Variants in KDM6A observed in about 807,000 individuals in gnomAD.
KDM6A encodes the protein lysine-specific demethylase 6A.
KDM6A carries 11 observed loss-of-function variants against 117.6 expected under a neutral mutation model. The ratio of observed to expected loss-of-function variants is 0.09; its 90% confidence interval spans 0.06 to 0.15. KDM6A has a LOEUF of 0.15. Ranked by LOEUF, KDM6A falls within the 10% of genes least tolerant of loss-of-function variation. KDM6A has a pLI of 1.00. For synonymous variants in KDM6A, 384 were observed against 396.1 expected, an observed-to-expected ratio of 0.97 and a Z score of 0.36; for missense variants, 799 against 1,077.3, an observed-to-expected ratio of 0.74 and a Z score of 3.62.
intron 2 of KDM6A, among the ~76,000 whole-genome samples, chrX:44,922,027 C>CTTTTTTTT: frequency 0.041 from 1,549 of 37,710 alleles, 702 homozygotes; most frequent in Non-Finnish European, 0.048. Context: ...ATTGTGTGTG[C>CTTTTTTTT]CTTTTTTTTT....
chrX:45,097,911 A>G (rs1200089036), intron 27 of KDM6A, among the ~76,000 whole-genome samples: 1 of 112,177 alleles, frequency 8.9e-6, no homozygotes, highest in Non-Finnish European at 1.9e-5. Context: ...CTATGTTGGC[A>G]TAAGTCAAAA....
intron 4 of KDM6A, among the ~76,000 whole-genome samples, chrX:44,976,427 C>T (rs1253457083): frequency 9.0e-6 from 1 of 110,795 alleles, no homozygotes; most frequent in African/African-American, 3.3e-5. Flanking sequence ...CAGGACCCCT[C>T]ATGGATACCA....
In KDM6A at chrX:45,047,384, T is replaced by C. The variant is rs1193401417; in HGVS notation, c.655-4325T>C. On this transcript the variant is annotated intron_variant, in intron 8 of 29. Transcript: ENST00000611820. ...TCTTAGATGCTTTCTTTTTTTTTTTTTAACTTTTAACTTTTGTGTGTTTGT... is the reference window on the plus strand; with the variant it reads ...TCTTAGATGCTTTCTTTTTTTTTTTCTAACTTTTAACTTTTGTGTGTTTGT... Among the ~76,000 whole-genome samples, 4 of 109,002 alleles carry C rather than the reference T, an allele frequency of 3.7e-5. No individual in the cohort carries two copies. The Admixed American group carries it at 4.0e-4, about 11-fold the overall frequency. The allele number at this position is 109,002 out of a possible 115,157, so 94.7% of individuals were successfully genotyped here. A position where few individuals can be genotyped will look rare whatever the true frequency, so the allele number is the denominator to read the frequency against.
intron 2 of KDM6A, among the ~76,000 whole-genome samples, chrX:44,942,038 CT>C (rs756550740): frequency 9.7e-4 from 97 of 100,426 alleles, no homozygotes; most frequent in Admixed American, 8.7e-4. Context: ...TGTTGAAAGA[CT>C]TTTTTTTTTT....
chrX:45,037,764 C>A (rs954437247), intron 8 of KDM6A, 75 bp downstream of exon 8: 1 of 793,405 alleles, frequency 1.3e-6, no homozygotes, highest in Non-Finnish European at 1.9e-6. Flanking sequence ...TTACTGAAAT[C>A]AGAAGTGTAC....
chrX:44,891,499 C>A, intron 2 of KDM6A, among the ~76,000 whole-genome samples: 1 of 111,965 alleles, frequency 8.9e-6, no homozygotes, highest in Admixed American at 9.5e-5. Flanking sequence ...CGTGCTTATT[C>A]CTCCACCAGT....
chrX:44,923,239 A>G (rs932376289), intron 2 of KDM6A, among the ~76,000 whole-genome samples: 3 of 110,359 alleles, frequency 2.7e-5, no homozygotes, highest in East Asian at 2.8e-4. Context: ...TTTGATGTTT[A>G]TTGTGCTTGA....
At chrX:44,963,497 G>GTCTGTC (rs1556012508) in intron 3 of KDM6A, among the ~76,000 whole-genome samples, 1 of 28,359 alleles carries the variant, frequency 3.5e-5, no homozygotes, top group Non-Finnish European at 7.8e-5. Flanking sequence ...CTGTCTGTCT[G>GTCTGTC]TCTCTGTCTG....
At chrX:45,015,220 A>G (rs763585818) in intron 5 of KDM6A, among the ~76,000 whole-genome samples, 6 of 110,042 alleles carry the variant, frequency 5.5e-5, no homozygotes, top group African/African-American at 2.0e-4. Flanking sequence ...CTTCTACCTC[A>G]GCCTCCCGAA....
intron 7 of KDM6A, among the ~76,000 whole-genome samples, chrX:45,035,865 A>G (rs2042789136): frequency 9.2e-6 from 1 of 109,217 alleles, no homozygotes; most frequent in Admixed American, 9.8e-5. Flanking sequence ...ATGCCCAGCT[A>G]ATTTTTTGTA....
rs2034668765 is a variant in KDM6A, at chrX:44,906,509, T to TA, written c.225+32523dup. Among the ~76,000 whole-genome samples the TA allele has an allele frequency of 2.7e-5, 3 of 111,010 alleles. No individual in the cohort carries two copies. In the South Asian group the frequency reaches 1.1e-3, roughly 42 times the overall value. On this transcript the variant is annotated intron_variant, in intron 2 of 29. Transcript: ENST00000611820. Reference sequence around the variant, plus strand: ...CCTTAAATGGCTTCCTTTCTCTTTTTATGAAGCTTTCCCTTAATCGTTTAG... The same window carrying TA: ...CCTTAAATGGCTTCCTTTCTCTTTTTAATGAAGCTTTCCCTTAATCGTTTAG...
intron 14 of KDM6A, 136 bp downstream of exon 14, chrX:45,060,900 A>G: frequency 2.9e-6 from 1 of 346,234 alleles, no homozygotes; most frequent in Admixed American, 5.2e-5. Flanking sequence ...GAGTTTTTCC[A>G]TCCCAAACCC....
At position 45,111,963 on chromosome X, in the gene KDM6A, T is replaced by G. The variant is rs1227927824; in HGVS notation, c.*552T>G. The G allele has an allele frequency of 5.9e-6, 1 of 169,737 alleles. No individual in the cohort carries two copies. The highest frequency in any genetic ancestry group is 1.1e-5 in the Non-Finnish European group (1 of 88,763). The allele number at this position is 169,737 out of a possible 1,213,427, so 14.0% of individuals were successfully genotyped here. A position where few individuals can be genotyped will look rare whatever the true frequency, so the allele number is the denominator to read the frequency against. ...GGTTCCTAAATAAAATTTAAAAAAT[T>G]AACAGCCAAGTCACAAAGGTAATGG... On this transcript the variant is annotated 3_prime_UTR_variant, in exon 30 of 30. Coordinates refer to ENST00000611820, the MANE Select transcript of KDM6A (RefSeq NM_001291415.2).
At chrX:45,110,330 G>A in intron 29 of KDM6A, 81 bp downstream of exon 29, 1 of 873,487 alleles carries the variant, frequency 1.1e-6, no homozygotes, top group Non-Finnish European at 1.7e-6. Flanking sequence ...ATAAGTAGGA[G>A]GTAATGAAAT....
At chrX:44,878,203 G>C (rs1032997576) in intron 2 of KDM6A, among the ~76,000 whole-genome samples, 46 of 111,004 alleles carry the variant, frequency 4.1e-4, no homozygotes, top group African/African-American at 1.5e-3. Context: ...CTGAAAATCT[G>C]AATTCCAAAA....
At chrX:44,988,049 C>G (rs1476043457) in intron 4 of KDM6A, among the ~76,000 whole-genome samples, 1 of 112,139 alleles carries the variant, frequency 8.9e-6, no homozygotes, top group Non-Finnish European at 1.9e-5. Context: ...GTACACCAAT[C>G]AGACGTAGAT....
At chrX:44,907,031 ACT>A (rs1490365433) in intron 2 of KDM6A, among the ~76,000 whole-genome samples, 1 of 106,675 alleles carries the variant, frequency 9.4e-6, no homozygotes, top group Admixed American at 1.0e-4. Context: ...TTTCCCCCCC[ACT>A]CTCTTCTCCA....
intron 2 of KDM6A, among the ~76,000 whole-genome samples, chrX:44,935,401 G>C (rs1161132970): frequency 9.0e-6 from 1 of 110,614 alleles, no homozygotes; most frequent in Admixed American, 9.7e-5. Flanking sequence ...TCAGAGTCTT[G>C]ATGAAATAGG....
chrX:44,885,572 T>TAA (rs1188444111), intron 2 of KDM6A, among the ~76,000 whole-genome samples: 1 of 104,338 alleles, frequency 9.6e-6, no homozygotes, highest in Non-Finnish European at 2.0e-5. Flanking sequence ...AGCCAAATAT[T>TAA]AAAAAAAAAA....
Sources: gnomAD v4.1 joint callset for allele counts (sites outside exome capture counted in the v4.1 genomes callset) on GRCh38, gnomAD v4.1.1 for gene constraint, MANE v1.5 for transcripts, NCBI Gene and HGNC (gene_info 2026-07-23, HGNC 2026-07-21) for gene names.